DIAPH3: variants seen among roughly 807,000 people sequenced by gnomAD.
DIAPH3 encodes the protein protein diaphanous homolog 3.
A neutral mutation model predicts 144.3 loss-of-function variants in DIAPH3; 117 were observed. The ratio of observed to expected loss-of-function variants is 0.81; its 90% CI spans 0.70 to 0.95. The LOEUF is 0.95. Ranked by LOEUF, DIAPH3 falls within the 40% of genes least tolerant of loss-of-function variation. DIAPH3 has a pLI of 0.00. For synonymous variants in DIAPH3, 519 were observed against 488.9 expected (o/e 1.06, Z -0.81); for missense variants, 1,421 against 1,412.7 (o/e 1.01, Z -0.09).
intron 1 of DIAPH3, among the ~76,000 whole-genome samples, chr13:60,162,636 G>C (rs1367811541): frequency 6.6e-6 from 1 of 152,126 alleles, no homozygotes; most frequent in Non-Finnish European, 1.5e-5. Context: ...TCATGTATCA[G>C]AATATGGGCT....
intron 4 of DIAPH3, among the ~76,000 whole-genome samples, chr13:60,056,262 T>C (rs1217742462): frequency 6.6e-6 from 1 of 150,536 alleles, no homozygotes; most frequent in African/African-American, 2.4e-5. Flanking sequence ...TCTAGCTATA[T>C]ATATAGAAAA....
intron 24 of DIAPH3, among the ~76,000 whole-genome samples, chr13:59,824,731 T>A (rs560467615): frequency 2.0e-5 from 3 of 152,188 alleles, no homozygotes; most frequent in Non-Finnish European, 4.4e-5. Flanking sequence ...AACACCAATA[T>A]AATGCTTCTC....
At chr13:60,039,995 G>C (rs2055518522) in intron 5 of DIAPH3, among the ~76,000 whole-genome samples, 1 of 151,904 alleles carries the variant, frequency 6.6e-6, no homozygotes, top group East Asian at 1.9e-4. Context: ...CAGCACTTTG[G>C]GAGGCCAAGG....
At chr13:59,944,322 A>G (rs2048693193) in intron 17 of DIAPH3, among the ~76,000 whole-genome samples, 1 of 152,172 alleles carries the variant, frequency 6.6e-6, no homozygotes, top group Admixed American at 6.5e-5. Flanking sequence ...TAGGCCATGA[A>G]TGATTAACAG....
At chr13:59,861,575 A>G (rs1462784567) in intron 21 of DIAPH3, 39 bp from the exon 22 acceptor site, 1 of 1,584,552 alleles carries the variant, frequency 6.3e-7, no homozygotes, top group African/African-American at 1.3e-5. Context: ...CAGAGTCATA[A>G]GTATGTTGAT....
At chr13:59,756,650 C>T (rs1022794828) in intron 27 of DIAPH3, among the ~76,000 whole-genome samples, 8 of 152,052 alleles carry the variant, frequency 5.3e-5, no homozygotes, top group Admixed American at 3.9e-4. Context: ...TAAGGTTAGT[C>T]ACAGTTAGTT....
chr13:59,716,201 CT>C (rs1489347349), intron 27 of DIAPH3, among the ~76,000 whole-genome samples: 2 of 151,740 alleles, frequency 1.3e-5, no homozygotes, highest in Non-Finnish European at 2.9e-5. Flanking sequence ...TTGAGAAAGA[CT>C]CTTGCTTTTT....
At chr13:60,024,584 A>G (rs911258236) in intron 5 of DIAPH3, among the ~76,000 whole-genome samples, 3 of 152,148 alleles carry the variant, frequency 2.0e-5, no homozygotes, top group African/African-American at 7.2e-5. Context: ...AGATAATTCT[A>G]CCATCTCTGT....
At chr13:60,063,597 G>A (rs2056849692) in intron 4 of DIAPH3, among the ~76,000 whole-genome samples, 1 of 152,082 alleles carries the variant, frequency 6.6e-6, no homozygotes, top group South Asian at 2.1e-4. Context: ...TGATCCATGG[G>A]ATGCAGAATG....
At chr13:59,761,143 A>C (rs2037561059) in intron 27 of DIAPH3, among the ~76,000 whole-genome samples, 1 of 152,156 alleles carries the variant, frequency 6.6e-6, no homozygotes, top group Non-Finnish European at 1.5e-5. Context: ...TAAAAGCATA[A>C]AAATATTTAG....
At chr13:60,041,124 CCTGG>C (rs2141184594) in intron 5 of DIAPH3, among the ~76,000 whole-genome samples, 1 of 33,178 alleles carries the variant, frequency 3.0e-5, no homozygotes, top group Admixed American at 3.8e-4. Context: ...TTTAAATGAA[CCTGG>C]ACAAATATAT....
intron 27 of DIAPH3, among the ~76,000 whole-genome samples, chr13:59,675,260 G>C (rs1275088768): frequency 6.6e-6 from 1 of 152,016 alleles, no homozygotes; most frequent in Non-Finnish European, 1.5e-5. Context: ...TCGAGACGGG[G>C]TCTTGCTATG....
intron 12 of DIAPH3, among the ~76,000 whole-genome samples, chr13:59,984,209 T>G (rs190475187): frequency 4.6e-5 from 7 of 151,832 alleles, no homozygotes; most frequent in African/African-American, 1.7e-4. Context: ...TCAGAGGTCA[T>G]CAACTTTCCA....
intron 27 of DIAPH3, 54 bp from the exon 28 acceptor site, chr13:59,666,900 G>T: frequency 6.3e-7 from 1 of 1,594,690 alleles, no homozygotes. Flanking sequence ...ACCAAGGACT[G>T]TGCACGTTAT....
At chr13:59,810,673 A>T in intron 25 of DIAPH3, 115 bp downstream of exon 25, 2 of 1,145,440 alleles carry the variant, frequency 1.7e-6, no homozygotes, top group Non-Finnish European at 2.5e-6. Flanking sequence ...TGGTTTAATT[A>T]CAGAAACAAG....
intron 17 of DIAPH3, among the ~76,000 whole-genome samples, chr13:59,932,058 G>A (rs1013561332): frequency 1.3e-5 from 2 of 152,112 alleles, no homozygotes; most frequent in Non-Finnish European, 2.9e-5. Flanking sequence ...AAAATTTTCA[G>A]ATGAAGGCTA....
At chr13:59,881,081 G>T (rs79320947) in intron 20 of DIAPH3, among the ~76,000 whole-genome samples, 2,637 of 151,484 alleles carry the variant, frequency 0.017, 67 homozygotes, top group East Asian at 0.099. Flanking sequence ...CTATTATAAT[G>T]TTGATTCTTA....
intron 2 of DIAPH3, among the ~76,000 whole-genome samples, chr13:60,127,944 G>T (rs11843163): frequency 0.041 from 6,266 of 151,984 alleles, 182 homozygotes; most frequent in East Asian, 0.1. Flanking sequence ...ACATGTGCAG[G>T]TTTGTTATAT....
intron 27 of DIAPH3, among the ~76,000 whole-genome samples, chr13:59,699,980 T>C (rs1367879972): frequency 6.6e-6 from 1 of 152,204 alleles, no homozygotes; most frequent in Non-Finnish European, 1.5e-5. Context: ...TACTCCTCTG[T>C]GCTAAATACA....
Sources: gnomAD v4.1 joint callset for allele counts (sites outside exome capture counted in the v4.1 genomes callset) on GRCh38, gnomAD v4.1.1 for gene constraint, MANE v1.5 for transcripts, NCBI Gene and HGNC (gene_info 2026-07-23, HGNC 2026-07-21) for gene names.